Variants in UNC13C observed in about 807,000 individuals in gnomAD.
The protein encoded by UNC13C is unc-13 homolog C, also known as protein unc-13 homolog C.
Under a neutral mutation model 245.4 loss-of-function variants are expected in UNC13C, and 174 were observed. The observed-to-expected ratio is 0.71, with a 90% CI of 0.63 to 0.80. The LOEUF (loss-of-function observed/expected upper bound fraction) is 0.80. UNC13C is among the 30% of genes least tolerant of loss of function. UNC13C has a pLI of 0.00. For missense variants in UNC13C, 2,829 were observed against 2,602.9 expected (o/e 1.09, Z -1.89); for synonymous variants, 992 against 895.1 (o/e 1.11, Z -1.93).
intron 17 of UNC13C, among the ~76,000 whole-genome samples, chr15:54,390,670 A>G (rs1349032140): frequency 6.6e-6 from 1 of 152,084 alleles, no homozygotes; most frequent in Non-Finnish European, 1.5e-5. Context: ...GTTTCAGTCA[A>G]TATGAATATA....
chr15:54,213,518 C>A (rs2034949812), intron 4 of UNC13C, among the ~76,000 whole-genome samples: 1 of 152,012 alleles, frequency 6.6e-6, no homozygotes, highest in Non-Finnish European at 1.5e-5. Flanking sequence ...TACTTAGGAA[C>A]ATGCAGTTAA....
At chr15:54,257,835 A>C (rs1188309789) in intron 8 of UNC13C, among the ~76,000 whole-genome samples, 1 of 152,196 alleles carries the variant, frequency 6.6e-6, no homozygotes, top group African/African-American at 2.4e-5. Flanking sequence ...AAAAGACTGA[A>C]GGCATGTTAA....
At chr15:53,935,156 T>TAA in the UNC13C span, among the ~76,000 whole-genome samples, 65 of 150,084 alleles carry the variant, frequency 4.3e-4, no homozygotes, top group East Asian at 1.2e-3. Flanking sequence ...TCCTCCTGAT[T>TAA]AAAAAAAAAA....
At chr15:53,885,272 A>G in the UNC13C span, among the ~76,000 whole-genome samples, 1 of 152,178 alleles carries the variant, frequency 6.6e-6, no homozygotes, top group African/African-American at 2.4e-5. Context: ...AGTCTTAGAA[A>G]TCAGAATTCT....
chr15:54,332,826 A>G (rs556973495), intron 15 of UNC13C, among the ~76,000 whole-genome samples: 4 of 152,142 alleles, frequency 2.6e-5, no homozygotes, highest in South Asian at 4.1e-4. Flanking sequence ...ATTTTAACAT[A>G]TCTATCTCCC....
chr15:54,214,809 C>G (rs2034989221), intron 4 of UNC13C, among the ~76,000 whole-genome samples: 1 of 151,786 alleles, frequency 6.6e-6, no homozygotes, highest in Admixed American at 6.6e-5. Context: ...CAAAAATTAG[C>G]TTCAAATCAA....
In UNC13C at chr15:54,394,394, T is replaced by C. The variant is rs373211869; in HGVS notation, c.4847+1213T>C. Among the ~76,000 whole-genome samples the C allele has an allele frequency of 8.6e-5, 13 of 151,944 alleles. No homozygotes were observed. The East Asian group carries it at 1.7e-3, about 20-fold the overall frequency. On this transcript the variant is annotated intron_variant, in intron 18 of 32. Transcript: ENST00000260323. The stretch of plus-strand genomic sequence containing the variant: ...GATGGCCTTTGTGTTTCCTAATCTC[T>C]GTACAGACTTTGCTCTTCTATTCTC...
the UNC13C span, among the ~76,000 whole-genome samples, chr15:53,873,494 C>T: frequency 6.6e-6 from 1 of 152,166 alleles, no homozygotes; most frequent in African/African-American, 2.4e-5. Flanking sequence ...TTGGGAGCTG[C>T]TCCACAGCCA....
Position 54,204,215 on chromosome 15 carries a change from A to G in UNC13C, c.3072-30815A>G, listed in dbSNP as rs532157419. Among the ~76,000 whole-genome samples the G allele has an allele frequency of 2.6e-5, 4 of 151,274 alleles. No homozygotes were observed. The South Asian group carries it at 6.3e-4, about 24-fold the overall frequency. On this transcript the variant is annotated intron_variant, in intron 4 of 32. Coordinates refer to ENST00000260323, the MANE Select transcript of UNC13C (RefSeq NM_001080534.3). ...TGTACGCTGCTTGGGTGATGGGTGC[A>G]CCAAAATCTCAGAAATCACGAAAGA...
chr15:54,549,304 A>G (rs1187402403), intron 27 of UNC13C, among the ~76,000 whole-genome samples: 1 of 152,174 alleles, frequency 6.6e-6, no homozygotes, highest in African/African-American at 2.4e-5. Context: ...GAGTAGAATG[A>G]GGAAGTTGCC....
intron 2 of UNC13C, among the ~76,000 whole-genome samples, chr15:54,030,067 C>T (rs1000392038): frequency 6.6e-6 from 1 of 152,156 alleles, no homozygotes; most frequent in Non-Finnish European, 1.5e-5. Flanking sequence ...CTATTGTCTG[C>T]TGCTGCAGCA....
At chr15:54,362,596 A>G (rs1458845884) in intron 17 of UNC13C, among the ~76,000 whole-genome samples, 5 of 152,154 alleles carry the variant, frequency 3.3e-5, no homozygotes, top group Admixed American at 6.6e-5. Context: ...GTTCACAAAA[A>G]CGGAGTTATA....
At chr15:54,299,847 A>C (rs987717651) in intron 12 of UNC13C, among the ~76,000 whole-genome samples, 1 of 152,154 alleles carries the variant, frequency 6.6e-6, no homozygotes, top group African/African-American at 2.4e-5. Context: ...CATATACTTT[A>C]AAGTTTGAGA....
chr15:54,190,820 C>T (rs1432117232), intron 4 of UNC13C, among the ~76,000 whole-genome samples: 1 of 152,000 alleles, frequency 6.6e-6, no homozygotes, highest in African/African-American at 2.4e-5. Flanking sequence ...ATTGATATAA[C>T]AGGCCTAGTT....
chr15:54,125,042 A>G (rs1187126309), intron 2 of UNC13C, among the ~76,000 whole-genome samples: 3 of 152,226 alleles, frequency 2.0e-5, no homozygotes, highest in African/African-American at 7.2e-5. Flanking sequence ...TGCTATAAAT[A>G]TAAAGTAATC....
intron 4 of UNC13C, among the ~76,000 whole-genome samples, chr15:54,219,447 T>C (rs1362181155): frequency 6.6e-6 from 1 of 151,990 alleles, no homozygotes; most frequent in African/African-American, 2.4e-5. Flanking sequence ...CAAAAATTAA[T>C]TCAAGATGGA....
At chr15:54,303,875 T>C (rs983581158) in intron 13 of UNC13C, among the ~76,000 whole-genome samples, 3 of 151,976 alleles carry the variant, frequency 2.0e-5, no homozygotes, top group Non-Finnish European at 2.9e-5. Context: ...GAGAGACAAA[T>C]GGTTGCTTTT....
intron 2 of UNC13C, among the ~76,000 whole-genome samples, chr15:54,028,451 C>T (rs1055428943): frequency 5.9e-5 from 9 of 152,254 alleles, no homozygotes; most frequent in South Asian, 2.1e-4. Context: ...TCCAGCGATA[C>T]ATATAAATTG....
the UNC13C span, among the ~76,000 whole-genome samples, chr15:53,909,561 G>T: frequency 3.4e-5 from 5 of 146,176 alleles, 1 homozygote; most frequent in East Asian, 4.0e-4. Flanking sequence ...AGAGCATCCT[G>T]GCCAACATAG....
Sources: gnomAD v4.1 joint callset for allele counts (sites outside exome capture counted in the v4.1 genomes callset) on GRCh38, gnomAD v4.1.1 for gene constraint, MANE v1.5 for transcripts, NCBI Gene and HGNC (gene_info 2026-07-23, HGNC 2026-07-21) for gene names.